Variants in RBFOX1 observed in about 807,000 individuals in gnomAD.
The protein encoded by RBFOX1 is RNA binding fox-1 homolog 1.
A neutral mutation model predicts 57.7 loss-of-function variants in RBFOX1; 8 were observed. The observed-to-expected ratio is 0.14, with a 90% CI of 0.08 to 0.25. The LOEUF (loss-of-function observed/expected upper bound fraction) is 0.25, where lower values mean the gene tolerates loss of function less well. RBFOX1 is among the 10% of genes least tolerant of loss of function. RBFOX1 has a pLI of 1.00. For missense variants in RBFOX1, 611 were observed against 548.5 expected (o/e 1.11, Z -1.14); for synonymous variants, 326 against 222.4 (o/e 1.47, Z -4.15).
chr16:7,363,813 A>G (rs2097378653), intron 4 of RBFOX1, among the ~76,000 whole-genome samples: 1 of 152,056 alleles, frequency 6.6e-6, no homozygotes, highest in Non-Finnish European at 1.5e-5. Flanking sequence ...AGTGCCCAGA[A>G]TCTCCCGTCA....
Position 6,221,153 on chromosome 16 carries a change from C to T in RBFOX1, c.-126-95842C>T, listed in dbSNP as rs537119587. ...GGATTAGGGAAATGGAAATATCTTG[C>T]ACAGTACTTTACATGTATTTCCAAC... On this transcript the variant is annotated intron_variant, in intron 1 of 15. Coordinates refer to ENST00000550418, the MANE Select transcript of RBFOX1 (RefSeq NM_018723.4). Among the ~76,000 whole-genome samples, 10 of 152,274 alleles carry T rather than the reference C, an allele frequency of 6.6e-5. No individual in the cohort carries two copies. In the South Asian group the frequency reaches 2.1e-3, roughly 32 times the overall value.
intron 1 of RBFOX1, among the ~76,000 whole-genome samples, chr16:6,303,334 ATT>A (rs35430919): frequency 0.012 from 1,773 of 148,310 alleles, 37 homozygotes; most frequent in African/African-American, 0.041. Flanking sequence ...TATTAAATAG[ATT>A]TTTTTTTTTT....
intron 14 of RBFOX1, among the ~76,000 whole-genome samples, chr16:7,707,922 A>C (rs552929101): frequency 6.6e-6 from 1 of 152,174 alleles, no homozygotes; most frequent in African/African-American, 2.4e-5. Context: ...GCTTTCAAGG[A>C]AGGACGTCAG....
chr16:5,537,393 A>T (rs577607776), intron 2 of RBFOX1, among the ~76,000 whole-genome samples: 85 of 152,332 alleles, frequency 5.6e-4, no homozygotes, highest in African/African-American at 2.0e-3. Context: ...AACTACCACA[A>T]ATATAGTGAC....
chr16:6,990,053 C>T (rs1028086781), intron 3 of RBFOX1, among the ~76,000 whole-genome samples: 5 of 152,044 alleles, frequency 3.3e-5, no homozygotes, highest in Admixed American at 3.3e-4. Context: ...TGATTTAGCT[C>T]CCCTGTACTA....
chr16:6,253,411 T>C (rs2097637765), intron 1 of RBFOX1, among the ~76,000 whole-genome samples: 1 of 152,084 alleles, frequency 6.6e-6, no homozygotes, highest in African/African-American at 2.4e-5. Context: ...CAAACCTTCA[T>C]AGGTAGGCAC....
intron 1 of RBFOX1, among the ~76,000 whole-genome samples, chr16:6,225,599 T>A (rs2097410540): frequency 1.3e-5 from 2 of 152,230 alleles, no homozygotes; most frequent in African/African-American, 4.8e-5. Flanking sequence ...CTTTAACTTC[T>A]GCCACAATGA....
At chr16:5,363,511 G>C (rs937753300) in intron 1 of RBFOX1, among the ~76,000 whole-genome samples, 2 of 152,080 alleles carry the variant, frequency 1.3e-5, no homozygotes, top group African/African-American at 4.8e-5. Context: ...TGGGCTTCAG[G>C]ACTTCCAGGC....
intron 2 of RBFOX1, among the ~76,000 whole-genome samples, chr16:5,540,443 C>T (rs1046316393): frequency 1.3e-5 from 2 of 152,144 alleles, no homozygotes; most frequent in Non-Finnish European, 2.9e-5. Context: ...ATATGGCACA[C>T]CAATTAACTC....
At chr16:6,120,564 C>T (rs12932012) in intron 1 of RBFOX1, among the ~76,000 whole-genome samples, 5,594 of 152,186 alleles carry the variant, frequency 0.037, 183 homozygotes, top group African/African-American at 0.076. Context: ...TATAGGTACA[C>T]TGGTAATACC....
chr16:5,982,574 C>A (rs945902700), intron 4 of RBFOX1, among the ~76,000 whole-genome samples: 1 of 152,182 alleles, frequency 6.6e-6, no homozygotes, highest in Non-Finnish European at 1.5e-5. Flanking sequence ...CTGTGCCCAG[C>A]CTGCACATGA....
At chr16:6,483,616 A>AGGGAGAGAC in intron 2 of RBFOX1, 1 of 1,232,384 alleles carries the variant, frequency 8.1e-7, no homozygotes, top group Non-Finnish European at 1.1e-6. Flanking sequence ...GAGGGAGGGA[A>AGGGAGAGAC]GGGAGAGACC....
chr16:6,939,301 T>A (rs931793458), intron 3 of RBFOX1, among the ~76,000 whole-genome samples: 2 of 152,134 alleles, frequency 1.3e-5, no homozygotes, highest in African/African-American at 4.8e-5. Context: ...GGGCCAATTT[T>A]GCTTGAAATA....
At chr16:5,791,009 C>G (rs1040895796) in intron 3 of RBFOX1, among the ~76,000 whole-genome samples, 2 of 151,982 alleles carry the variant, frequency 1.3e-5, no homozygotes, top group East Asian at 3.9e-4. Context: ...GCTGGGATTA[C>G]AGGTGCATAC....
intron 1 of RBFOX1, among the ~76,000 whole-genome samples, chr16:5,344,806 C>T (rs148301010): frequency 1.6e-4 from 25 of 152,250 alleles, no homozygotes; most frequent in East Asian, 5.8e-4. Context: ...ATGAACAGCA[C>T]GTGCTTTGAG....
At chr16:5,827,402 GGAAA>G (rs1231265138) in intron 3 of RBFOX1, among the ~76,000 whole-genome samples, 1 of 100,472 alleles carries the variant, frequency 1.0e-5, no homozygotes, top group Middle Eastern at 5.4e-3. Flanking sequence ...TCCATCTCAG[GGAAA>G]AAAAAAAAAA....
intron 4 of RBFOX1, among the ~76,000 whole-genome samples, chr16:7,197,752 A>G (rs1291001019): frequency 6.6e-6 from 1 of 152,170 alleles, no homozygotes; most frequent in African/African-American, 2.4e-5. Context: ...CAGTAAAAAT[A>G]AGTGGAGTAC....
At chr16:5,349,998 G>A (rs1265071278) in intron 1 of RBFOX1, among the ~76,000 whole-genome samples, 1 of 152,240 alleles carries the variant, frequency 6.6e-6, no homozygotes, top group Non-Finnish European at 1.5e-5. Context: ...ATCTGCTGAT[G>A]TACACTTCAC....
intron 3 of RBFOX1, among the ~76,000 whole-genome samples, chr16:6,725,475 G>A (rs1012866488): frequency 7.2e-5 from 11 of 152,038 alleles, no homozygotes; most frequent in Admixed American, 5.2e-4. Flanking sequence ...CAGCCCAGTG[G>A]GTCTCAGCCT....
Sources: gnomAD v4.1 joint callset for allele counts (sites outside exome capture counted in the v4.1 genomes callset) on GRCh38, gnomAD v4.1.1 for gene constraint, MANE v1.5 for transcripts, NCBI Gene and HGNC (gene_info 2026-07-23, HGNC 2026-07-21) for gene names.